The following LAMA1 variants were observed in gnomAD, a reference collection of about 807,000 sequenced individuals.
LAMA1 encodes the protein laminin subunit alpha 1.
A neutral mutation model predicts 348.7 loss-of-function variants in LAMA1; 219 were observed. That is an observed-to-expected ratio of 0.63 (90% CI 0.56 to 0.70). The LOEUF (loss-of-function observed/expected upper bound fraction) is 0.70, where lower values mean the gene tolerates loss of function less well. LAMA1 is among the 30% of genes least tolerant of loss of function. The pLI is 0.00. For missense variants in LAMA1, 3,744 were observed against 3,888.0 expected, an observed-to-expected ratio of 0.96 and a Z score of 0.99; for synonymous variants, 1,487 against 1,491.0, an observed-to-expected ratio of 1.00 and a Z score of 0.06.
intron 3 of LAMA1, among the ~76,000 whole-genome samples, chr18:7,071,989 G>A (rs1301766213): frequency 6.6e-6 from 1 of 152,188 alleles, no homozygotes; most frequent in Non-Finnish European, 1.5e-5. Flanking sequence ...TAGAATTGTA[G>A]GCAAATGACA....
chr18:7,079,763 T>C (rs1449658989), intron 3 of LAMA1: 3 of 581,360 alleles, frequency 5.2e-6, no homozygotes, highest in Non-Finnish European at 9.2e-6. Context: ...GGAAGCAATT[T>C]CACCCATCTC....
intron 3 of LAMA1, among the ~76,000 whole-genome samples, chr18:7,072,154 T>C (rs1294361425): frequency 6.6e-5 from 10 of 152,214 alleles, no homozygotes; most frequent in African/African-American, 2.4e-4. Context: ...GACTTATGAA[T>C]TTCTCAAAAT....
At chr18:7,030,503 T>C (rs1427707231) in intron 16 of LAMA1, among the ~76,000 whole-genome samples, 1 of 152,168 alleles carries the variant, frequency 6.6e-6, no homozygotes, top group Non-Finnish European at 1.5e-5. Context: ...GTTCATCTTA[T>C]CGTGCTACTT....
rs754577443 is a variant in LAMA1 at position 7,033,066 on chromosome 18, C to A, written c.2081G>T (p.Ser694Ile). The change falls in exon 15 of 63, where the codon AGC becomes ATC. Residue 694 changes from serine to isoleucine, a missense_variant. By Grantham distance (142) the Ser-to-Ile change is moderately radical. Transcript: ENST00000389658. ...CACCACCAGGTCGATGGCATTAGAG[C>A]TGGCTATGTCCAGAGAGACGGACTC... Reference protein sequence around the residue: ...RLESVSLDIASSNAIDLVVAA... With the variant: ...RLESVSLDIAISNAIDLVVAA... The A allele has an allele frequency of 6.2e-7, 1 of 1,611,974 alleles. No homozygotes were observed. The highest frequency in any genetic ancestry group is 8.5e-7 in the Non-Finnish European group (1 of 1,179,116).
intron 13 of LAMA1, 49 bp from the exon 14 acceptor site, chr18:7,034,739 T>C (rs759871008): frequency 1.3e-4 from 198 of 1,531,094 alleles, no homozygotes; most frequent in Middle Eastern, 3.4e-4. Flanking sequence ...AATTTAATGA[T>C]AAAATAAAAA....
intron 3 of LAMA1, among the ~76,000 whole-genome samples, chr18:7,065,521 G>A (rs2143754761): frequency 6.6e-6 from 1 of 152,210 alleles, no homozygotes; most frequent in South Asian, 2.1e-4. Flanking sequence ...GAGGCCAGGA[G>A]TTCGAGACCA....
rs2058013437 is a variant in LAMA1 at position 7,040,036 on chromosome 18, T to C, written c.1422+40A>G. The C allele has an allele frequency of 1.9e-6, 3 of 1,610,876 alleles. No homozygotes were observed. In the Admixed American group the frequency reaches 5.0e-5, roughly 27 times the overall value. ...GAAAACACTCCTTTTCCAGAGAAGCTCAAAGGAAGCTCAGGGGTGTCTCTG... is the reference window on the plus strand; with the variant it reads ...GAAAACACTCCTTTTCCAGAGAAGCCCAAAGGAAGCTCAGGGGTGTCTCTG... On this transcript the variant is annotated intron_variant, in intron 10 of 62. Coordinates refer to ENST00000389658, the MANE Select transcript of LAMA1 (RefSeq NM_005559.4).
intron 3 of LAMA1, among the ~76,000 whole-genome samples, chr18:7,070,418 AAAGATTTTATCTT>A (rs1372665948): frequency 6.6e-6 from 1 of 152,214 alleles, no homozygotes; most frequent in Non-Finnish European, 1.5e-5. Context: ...AAAAATCTTT[AAAGATTTTATCTT>A]AAGAATGTGA....
rs1219575927 is a variant in LAMA1 at position 7,009,282 on chromosome 18, T to C, written c.3958A>G (p.Ile1320Val). Residue 1320 changes from isoleucine to valine, a missense_variant, in exon 27 of 63, where the codon ATC (isoleucine) becomes GTC (valine). Physicochemically the swap from Ile to Val is conservative, Grantham distance 29 (BLOSUM62 3). This residue lies in a region of LAMA1 where 1,983 missense variants were observed against 1,934.3 expected (regional missense o/e 1.03). Coordinates refer to ENST00000389658, the MANE Select transcript of LAMA1 (RefSeq NM_005559.4). ...FMSVLSDIEY[I>V]LIKASYGQGL... ...TGACCATACGATGCCTTGATGAGGA[T>C]GTACTCAATATCGCTGAGGACAGAC... The C allele has an allele frequency of 4.3e-6, 7 of 1,614,104 alleles. No homozygotes were observed. The highest frequency in any genetic ancestry group is 1.3e-5 in the African/African-American group (1 of 75,046).
intron 33 of LAMA1, among the ~76,000 whole-genome samples, chr18:6,996,233 G>T (rs692849): frequency 0.84 from 127,659 of 152,042 alleles, 54,012 homozygotes; most frequent in African/African-American, 0.94. Flanking sequence ...TAACCTTTCT[G>T]AACTACCATT....
chr18:7,025,636 C>T (rs376180986), intron 17 of LAMA1, among the ~76,000 whole-genome samples: 7 of 152,288 alleles, frequency 4.6e-5, no homozygotes, highest in South Asian at 2.1e-4. Flanking sequence ...CTCCCTAAGT[C>T]GAGGGACAAT....
At chr18:7,064,552 A>G (rs116598430) in intron 3 of LAMA1, among the ~76,000 whole-genome samples, 2,202 of 152,292 alleles carry the variant, frequency 0.014, 46 homozygotes, top group African/African-American at 0.05. Flanking sequence ...CAAACTCAGG[A>G]CTTTACAGTG....
At chr18:6,944,374 C>T (rs1181017963) in intron 61 of LAMA1, among the ~76,000 whole-genome samples, 3 of 152,188 alleles carry the variant, frequency 2.0e-5, no homozygotes, top group African/African-American at 7.2e-5. Flanking sequence ...TTCTGATGAA[C>T]TGTAGATGCT....
intron 29 of LAMA1, among the ~76,000 whole-genome samples, chr18:7,002,889 T>C (rs1026106043): frequency 6.6e-6 from 1 of 152,018 alleles, no homozygotes; most frequent in Non-Finnish European, 1.5e-5. Context: ...TTCTTTCTTT[T>C]TTTTTTTTAA....
At chr18:7,117,547 A>C (rs941209855) in intron 1 of LAMA1, 113 bp downstream of exon 1, 54 of 1,141,772 alleles carry the variant, frequency 4.7e-5, no homozygotes, top group African/African-American at 1.6e-4. Context: ...TCCGAGGTGG[A>C]TCAGGATGCG....
At chr18:6,964,275 A>G in intron 51 of LAMA1, 2 of 305,964 alleles carry the variant, frequency 6.5e-6, no homozygotes, top group Non-Finnish European at 1.3e-5. Context: ...AAGATGTGGT[A>G]GTCTTGATCC....
chr18:7,098,769 C>A (rs1190128976), intron 1 of LAMA1, among the ~76,000 whole-genome samples: 3 of 129,006 alleles, frequency 2.3e-5, no homozygotes, highest in African/African-American at 5.8e-5. Context: ...AGGTGAGGGG[C>A]GCCTCTGCCC....
intron 37 of LAMA1, among the ~76,000 whole-genome samples, chr18:6,985,919 C>T (rs2057733043): frequency 6.6e-6 from 1 of 152,102 alleles, no homozygotes; most frequent in South Asian, 2.1e-4. Context: ...CCACCACGCC[C>T]AGCTAATTTT....
chr18:6,955,897 C>A (rs971543555), intron 56 of LAMA1: 7 of 346,996 alleles, frequency 2.0e-5, no homozygotes, highest in Admixed American at 1.5e-4. Context: ...TTTTGCAGGG[C>A]CTCAGAGTGT....
Sources: gnomAD v4.1 joint callset for allele counts (sites outside exome capture counted in the v4.1 genomes callset) on GRCh38, gnomAD v4.1.1 for gene constraint, gnomAD v4.1.1 regional missense constraint, MANE v1.5 for transcripts, NCBI Gene and HGNC (gene_info 2026-07-23, HGNC 2026-07-21) for gene names.